Variants in GPC5 observed in about 807,000 individuals in gnomAD.
The protein encoded by GPC5 is glypican 5.
In GPC5, 47 loss-of-function variants were observed where a neutral mutation model predicts 53.9. The ratio of observed to expected loss-of-function variants is 0.87; its 90% CI spans 0.69 to 1.11. The LOEUF is 1.11. GPC5 is among the 50% of genes most tolerant of loss of function. The pLI is 0.00. For synonymous variants in GPC5, 286 were observed against 263.3 expected (o/e 1.09, Z -0.84); for missense variants, 748 against 713.1 (o/e 1.05, Z -0.56).
chr13:91,950,521 G>T (rs1821864093), intron 6 of GPC5, among the ~76,000 whole-genome samples: 1 of 151,994 alleles, frequency 6.6e-6, no homozygotes, highest in African/African-American at 2.4e-5. Context: ...CTGAATTTCA[G>T]ATCTACAAAT....
At chr13:91,445,019 C>T (rs955478906) in intron 1 of GPC5, among the ~76,000 whole-genome samples, 6 of 152,176 alleles carry the variant, frequency 3.9e-5, no homozygotes, top group South Asian at 2.1e-4. Flanking sequence ...TAAGGACTTA[C>T]GTGCTGTGGC....
intron 2 of GPC5, among the ~76,000 whole-genome samples, chr13:91,541,766 C>T (rs1291347616): frequency 6.6e-6 from 1 of 151,696 alleles, no homozygotes; most frequent in Non-Finnish European, 1.5e-5. Context: ...ACACATATAA[C>T]TTCTAGATTA....
At position 92,476,609 on chromosome 13, in the gene GPC5, G is replaced by A. The variant is rs576702982; in HGVS notation, c.1561+331620G>A. 4.7e-5 allele frequency among the ~76,000 whole-genome samples: 7 copies of A among 149,522 alleles called. No homozygotes were observed. The East Asian group carries it at 1.4e-3, about 29-fold the overall frequency. On this transcript the variant is annotated intron_variant, in intron 7 of 7. Coordinates refer to ENST00000377067, the MANE Select transcript of GPC5 (RefSeq NM_004466.6). ...CACATGCACACGTATGTTTACTGCG[G>A]CATTATTCACAATAGCAAAGACTTG...
chr13:92,433,133 A>G (rs1877166537), intron 7 of GPC5, among the ~76,000 whole-genome samples: 1 of 152,152 alleles, frequency 6.6e-6, no homozygotes, highest in African/African-American at 2.4e-5. Context: ...GAACCACAGA[A>G]TGGGAGGAAT....
At chr13:91,756,544 T>A (rs1028512401) in intron 5 of GPC5, 124 bp downstream of exon 5, 12 of 800,578 alleles carry the variant, frequency 1.5e-5, no homozygotes, top group Non-Finnish European at 2.0e-5. Flanking sequence ...TAAATACTTA[T>A]CTTTAGTTTG....
intron 7 of GPC5, among the ~76,000 whole-genome samples, chr13:92,176,179 A>G (rs775004618): frequency 1.2e-4 from 19 of 152,258 alleles, no homozygotes; most frequent in Non-Finnish European, 2.2e-4. Flanking sequence ...CAGTAAGTCT[A>G]GGATGGAGCC....
At chr13:92,708,213 A>G (rs1454236568) in intron 7 of GPC5, among the ~76,000 whole-genome samples, 1 of 152,202 alleles carries the variant, frequency 6.6e-6, no homozygotes, top group Non-Finnish European at 1.5e-5. Flanking sequence ...TAGGTGAATC[A>G]AGAGTAAACT....
intron 6 of GPC5, among the ~76,000 whole-genome samples, chr13:92,113,132 G>T (rs958272412): frequency 5.9e-5 from 9 of 151,446 alleles, no homozygotes; most frequent in African/African-American, 2.2e-4. Context: ...TTTCTTTTTT[G>T]TGGATATCTT....
chr13:91,432,243 GTGTGTGTA>G (rs1879544575), intron 1 of GPC5, among the ~76,000 whole-genome samples: 1 of 144,008 alleles, frequency 6.9e-6, no homozygotes, highest in African/African-American at 2.6e-5. Flanking sequence ...GTGTGTGTGT[GTGTGTGTA>G]TGTTTAGGCC....
intron 6 of GPC5, among the ~76,000 whole-genome samples, chr13:92,052,536 T>C (rs1026496560): frequency 2.6e-5 from 4 of 152,152 alleles, no homozygotes; most frequent in Non-Finnish European, 5.9e-5. Context: ...CACTGATTGG[T>C]CCATTTTACA....
chr13:91,721,154 G>A (rs1029108002), intron 3 of GPC5, among the ~76,000 whole-genome samples: 2 of 139,792 alleles, frequency 1.4e-5, no homozygotes, highest in African/African-American at 2.7e-5. Flanking sequence ...TGGGTGGGGG[G>A]ACTGAGTTTC....
chr13:92,722,891 CTG>C (rs1566385289), intron 7 of GPC5, among the ~76,000 whole-genome samples: 1 of 151,712 alleles, frequency 6.6e-6, no homozygotes, highest in Non-Finnish European at 1.5e-5. Context: ...TTAGCAAAAA[CTG>C]TGAAAGTTAC....
chr13:92,460,566 A>G (rs1878437519), intron 7 of GPC5, among the ~76,000 whole-genome samples: 1 of 152,188 alleles, frequency 6.6e-6, no homozygotes, highest in South Asian at 2.1e-4. Context: ...GAGTCCTTAT[A>G]TCACATTCAA....
chr13:92,090,001 A>G (rs1413148001), intron 6 of GPC5, among the ~76,000 whole-genome samples: 1 of 152,226 alleles, frequency 6.6e-6, no homozygotes, highest in Non-Finnish European at 1.5e-5. Flanking sequence ...AGTTCGTATC[A>G]TGTCCCAGGC....
intron 7 of GPC5, among the ~76,000 whole-genome samples, chr13:92,646,867 CATCTAACT>C (rs1370231780): frequency 1.1e-5 from 1 of 91,644 alleles, no homozygotes; most frequent in Non-Finnish European, 3.5e-5. Context: ...TAAACATATA[CATCTAACT>C]ATCTGTAAAC....
intron 2 of GPC5, among the ~76,000 whole-genome samples, chr13:91,635,687 ATAAT>A (rs1203047352): frequency 6.6e-6 from 1 of 152,106 alleles, no homozygotes; most frequent in Non-Finnish European, 1.5e-5. Flanking sequence ...TTCCAAGAAG[ATAAT>A]TAGTTTCCCA....
chr13:92,740,502 TTGC>T (rs910636832), intron 7 of GPC5, among the ~76,000 whole-genome samples: 6 of 152,076 alleles, frequency 3.9e-5, no homozygotes, highest in African/African-American at 1.2e-4. Flanking sequence ...TATTGCATGT[TTGC>T]TGATTAGATG....
intron 2 of GPC5, among the ~76,000 whole-genome samples, chr13:91,662,453 A>G (rs1594396102): frequency 6.6e-6 from 1 of 152,186 alleles, no homozygotes; most frequent in East Asian, 1.9e-4. Context: ...AATTGGAAAG[A>G]GAATTGGAGA....
At chr13:92,661,840 T>G (rs963180967) in intron 7 of GPC5, among the ~76,000 whole-genome samples, 3 of 152,180 alleles carry the variant, frequency 2.0e-5, no homozygotes, top group Non-Finnish European at 4.4e-5. Flanking sequence ...TGAATTTAAG[T>G]CCTGTTTCTC....
Sources: allele counts gnomAD v4.1 joint callset (sites outside exome capture counted in the v4.1 genomes callset), GRCh38; gene constraint gnomAD v4.1.1; transcripts MANE v1.5; gene names NCBI Gene and HGNC (gene_info 2026-07-23, HGNC 2026-07-21).